GPC5: variants seen among roughly 807,000 people sequenced by gnomAD.
GPC5 encodes glypican 5, also known as glypican-5.
A neutral mutation model predicts 53.9 loss-of-function variants in GPC5; 47 were observed. The observed-to-expected ratio is 0.87, with a 90% CI of 0.69 to 1.11. GPC5 has a LOEUF of 1.11. Among genes scored for constraint, GPC5 ranks in the 50% most tolerant of loss-of-function variants. The probability of loss-of-function intolerance (pLI) is 0.00; values close to 1 mark genes in which losing one functional copy is unlikely to be tolerated. For missense variants in GPC5, 748 were observed against 713.1 expected, an observed-to-expected ratio of 1.05 and a Z score of -0.56; for synonymous variants, 286 against 263.3, an observed-to-expected ratio of 1.09 and a Z score of -0.84.
chr13:92,820,036 T>A (rs1007603892), intron 7 of GPC5, among the ~76,000 whole-genome samples: 2 of 152,160 alleles, frequency 1.3e-5, no homozygotes, highest in African/African-American at 4.8e-5. Flanking sequence ...TCTCTGAACA[T>A]CTCACTAATA....
chr13:92,735,708 C>G (rs185976858), intron 7 of GPC5, among the ~76,000 whole-genome samples: 2 of 152,110 alleles, frequency 1.3e-5, no homozygotes, highest in Non-Finnish European at 2.9e-5. Context: ...TTCTGACATT[C>G]ATTCCTTAAG....
chr13:92,768,385 T>C (rs546999476), intron 7 of GPC5, among the ~76,000 whole-genome samples: 1 of 152,302 alleles, frequency 6.6e-6, no homozygotes, highest in South Asian at 2.1e-4. Context: ...TTCCTGTTCC[T>C]CCAGTGGCTG....
At chr13:92,544,144 A>T (rs888248724) in intron 7 of GPC5, among the ~76,000 whole-genome samples, 1 of 152,124 alleles carries the variant, frequency 6.6e-6, no homozygotes, top group African/African-American at 2.4e-5. Context: ...TGTGATTTGT[A>T]ACCTCAGTTT....
At chr13:91,645,058 CTT>C (rs2034526320) in intron 2 of GPC5, among the ~76,000 whole-genome samples, 1 of 152,156 alleles carries the variant, frequency 6.6e-6, no homozygotes, top group South Asian at 2.1e-4. Flanking sequence ...AATTGAGAAA[CTT>C]TGCTTTCATT....
Position 91,448,836 on chromosome 13 carries a change from C to T in GPC5, c.239C>T (p.Ala80Val), listed in dbSNP as rs559277707. ...TRKMEERYQI[A>V]ARQDMQQFLQ... is the part of the protein sequence containing the mutation. ...AAGATGGAGGAGAGATATCAGATTG[C>T]GGCTCGCCAGGATATGCAGCAGTTT... is the stretch of plus-strand genomic sequence containing the variant. The change falls in exon 2 of 8, where the codon GCG (alanine) becomes GTG (valine). Residue 80 changes from alanine to valine, a missense_variant. Physicochemically the swap from Ala to Val is moderately conservative, Grantham distance 64. Coordinates refer to ENST00000377067, the MANE Select transcript of GPC5 (RefSeq NM_004466.6). 4.3e-5 allele frequency: 70 copies of T among 1,613,642 alleles called. No homozygotes were observed. Among genetic ancestry groups the T allele is most frequent in the South Asian group, 3.8e-4 (35 of 91,068 alleles).
At chr13:92,532,682 A>C (rs1486115998) in intron 7 of GPC5, among the ~76,000 whole-genome samples, 1 of 152,200 alleles carries the variant, frequency 6.6e-6, no homozygotes, top group East Asian at 1.9e-4. Context: ...AATTATGGTA[A>C]CATAGCATGA....
intron 6 of GPC5, among the ~76,000 whole-genome samples, chr13:92,066,441 A>G (rs2041168152): frequency 6.6e-6 from 1 of 151,440 alleles, no homozygotes; most frequent in Non-Finnish European, 1.5e-5. Flanking sequence ...CTGAAAAAAA[A>G]AAAAAGAAAA....
intron 2 of GPC5, among the ~76,000 whole-genome samples, chr13:91,519,112 G>A (rs1885665210): frequency 6.6e-6 from 1 of 151,912 alleles, no homozygotes; most frequent in African/African-American, 2.4e-5. Context: ...CTTTTTTTCT[G>A]GAAGCAATTG....
At position 92,764,458 on chromosome 13, in the gene GPC5, C is replaced by T. The variant is rs758886134; in HGVS notation, c.1562-101824C>T. Among the ~76,000 whole-genome samples the T allele has an allele frequency of 3.7e-4, 57 of 152,174 alleles. 2 individuals carry two copies. Among genetic ancestry groups the T allele is most frequent in the Non-Finnish European group, 8.8e-5 (6 of 68,036 alleles). On this transcript the variant is annotated intron_variant, in intron 7 of 7. Coordinates refer to ENST00000377067, the MANE Select transcript of GPC5 (RefSeq NM_004466.6). ...TAGGAGGAACACAGCCATATGGACT[C>T]GAGGCAGCTCCCTCAACTGGAATCA...
intron 7 of GPC5, among the ~76,000 whole-genome samples, chr13:92,661,115 C>G (rs1314706171): frequency 6.6e-6 from 1 of 151,848 alleles, no homozygotes; most frequent in African/African-American, 2.4e-5. Flanking sequence ...TCCTGGGCAA[C>G]AAAGTGAAAC....
Position 91,734,344 on chromosome 13 carries a change from G to A in GPC5, c.1154+5679G>A, listed in dbSNP as rs182379170. ...TGGGGACTCTTTATGGGGATTGTGC[G>A]ATGGGTAAGTATGTCTAGTTCAAAT... On this transcript the variant is annotated intron_variant, in intron 4 of 7. Coordinates refer to ENST00000377067, the MANE Select transcript of GPC5 (RefSeq NM_004466.6). Among the ~76,000 whole-genome samples the A allele has an allele frequency of 1.4e-3, 215 of 151,508 alleles. 2 individuals carry two copies. The Middle Eastern group carries it at 0.031, about 22-fold the overall frequency.
intron 7 of GPC5, among the ~76,000 whole-genome samples, chr13:92,554,145 T>C (rs544496524): frequency 2.5e-4 from 38 of 151,930 alleles, no homozygotes; most frequent in Non-Finnish European, 4.4e-4. Flanking sequence ...CACAGTATGC[T>C]CACATTTGAT....
intron 3 of GPC5, among the ~76,000 whole-genome samples, chr13:91,715,327 G>A (rs528106477): frequency 2.0e-5 from 3 of 151,818 alleles, no homozygotes; most frequent in East Asian, 2.0e-4. Context: ...CATTATATGA[G>A]TATGTATATG....
chr13:92,608,683 T>C (rs1884335440), intron 7 of GPC5, among the ~76,000 whole-genome samples: 2 of 152,218 alleles, frequency 1.3e-5, no homozygotes, highest in Admixed American at 6.5e-5. Flanking sequence ...CCTGTGTGTA[T>C]ACATGTTTGC....
chr13:91,541,423 C>T (rs2029918602), intron 2 of GPC5, among the ~76,000 whole-genome samples: 2 of 152,142 alleles, frequency 1.3e-5, no homozygotes, highest in African/African-American at 2.4e-5. Flanking sequence ...TTATTATAAA[C>T]TGCATTCTTA....
At chr13:92,191,539 CTT>C (rs1052856650) in intron 7 of GPC5, among the ~76,000 whole-genome samples, 1 of 152,124 alleles carries the variant, frequency 6.6e-6, no homozygotes, top group South Asian at 2.1e-4. Flanking sequence ...GAATTAAAAA[CTT>C]ATATCCATAT....
intron 1 of GPC5, among the ~76,000 whole-genome samples, chr13:91,425,522 A>C (rs1167925131): frequency 6.6e-6 from 1 of 152,098 alleles, no homozygotes; most frequent in Admixed American, 6.6e-5. Flanking sequence ...TTCCCCCTTC[A>C]CTGTTCACTG....
intron 7 of GPC5, among the ~76,000 whole-genome samples, chr13:92,808,972 C>G (rs926945546): frequency 6.6e-6 from 1 of 152,030 alleles, no homozygotes; most frequent in Admixed American, 6.6e-5. Context: ...AGTATTCTCC[C>G]CTACACATTA....
chr13:91,717,715 C>T (rs1430130594), intron 3 of GPC5, among the ~76,000 whole-genome samples: 2 of 152,168 alleles, frequency 1.3e-5, no homozygotes, highest in Admixed American at 1.3e-4. Context: ...TGCCATCATG[C>T]CCGGCTAATT....
Sources: allele counts gnomAD v4.1 joint callset (sites outside exome capture counted in the v4.1 genomes callset), GRCh38; gene constraint gnomAD v4.1.1; transcripts MANE v1.5; gene names NCBI Gene and HGNC (gene_info 2026-07-23, HGNC 2026-07-21).